The following CNTN5 variants were observed in gnomAD, a reference collection of about 807,000 sequenced individuals.
CNTN5 encodes the protein contactin-5.
Under a neutral mutation model 129.1 loss-of-function variants are expected in CNTN5, and 77 were observed. The observed-to-expected ratio is 0.60, with a 90% confidence interval of 0.50 to 0.72. The LOEUF is 0.72. CNTN5 is among the 30% of genes least tolerant of loss of function. The pLI is 0.00. For synonymous variants in CNTN5, 509 were observed against 465.6 expected, an observed-to-expected ratio of 1.09 and a Z score of -1.20; for missense variants, 1,478 against 1,328.8, an observed-to-expected ratio of 1.11 and a Z score of -1.75.
intron 8 of CNTN5, among the ~76,000 whole-genome samples, chr11:99,970,306 A>C (rs573953390): frequency 6.6e-6 from 1 of 152,360 alleles, no homozygotes; most frequent in South Asian, 2.1e-4. Context: ...TGAGGCCATA[A>C]GTATAATATC....
intron 2 of CNTN5, among the ~76,000 whole-genome samples, chr11:99,432,495 C>CTTTTCTTTTCTTTTCT (rs539746806): frequency 0.013 from 1,023 of 77,734 alleles, 7 homozygotes; most frequent in Middle Eastern, 0.022. Flanking sequence ...CTTTTCTTTT[C>CTTTTCTTTTCTTTTCT]TTTCTTTTCT....
chr11:99,738,317 G>C (rs1943776564), intron 3 of CNTN5, among the ~76,000 whole-genome samples: 9 of 152,186 alleles, frequency 5.9e-5, no homozygotes, highest in Admixed American at 5.2e-4. Flanking sequence ...AAGCTAAGCA[G>C]AGAGGTTTCA....
chr11:99,309,381 T>C (rs1865010574), intron 1 of CNTN5, among the ~76,000 whole-genome samples: 1 of 152,240 alleles, frequency 6.6e-6, no homozygotes, highest in South Asian at 2.1e-4. Context: ...TAGTCCTGTA[T>C]TAGTTTGGAA....
At chr11:99,838,824 C>A (rs549815562) in intron 4 of CNTN5, among the ~76,000 whole-genome samples, 7 of 152,184 alleles carry the variant, frequency 4.6e-5, no homozygotes, top group Non-Finnish European at 7.4e-5. Flanking sequence ...GGAAAGTGTA[C>A]CCCAGAAGGA....
chr11:99,580,367 C>A (rs968319002), intron 3 of CNTN5, among the ~76,000 whole-genome samples: 1 of 152,162 alleles, frequency 6.6e-6, no homozygotes, highest in Non-Finnish European at 1.5e-5. Context: ...GGAGGATTCC[C>A]TCTTTTTCTA....
At chr11:99,424,204 A>G (rs986146964) in intron 2 of CNTN5, among the ~76,000 whole-genome samples, 25 of 152,256 alleles carry the variant, frequency 1.6e-4, no homozygotes, top group African/African-American at 5.5e-4. Context: ...CTTTGGTGCC[A>G]TTATTAAGTA....
intron 3 of CNTN5, among the ~76,000 whole-genome samples, chr11:99,735,942 C>T (rs1274933830): frequency 1.3e-5 from 2 of 152,156 alleles, no homozygotes; most frequent in Admixed American, 6.5e-5. Context: ...TCATCCTCCC[C>T]CAGCCCCTGA....
chr11:99,228,020 A>G (rs1272305030), intron 1 of CNTN5, among the ~76,000 whole-genome samples: 33 of 152,060 alleles, frequency 2.2e-4, no homozygotes, highest in Admixed American at 2.2e-3. Context: ...TTTACTATGT[A>G]TTGTACCATC....
rs1206451729 is a variant in CNTN5 at position 100,350,688 on chromosome 11, G to GTTAT, written c.3031-12_3031-9dup. ...CTTTCATATCAAATGTCTAAACCTTGTTATTACTCTCAGGTTTTTTATAGG... is the reference window on the plus strand; with the variant it reads ...CTTTCATATCAAATGTCTAAACCTTGTTATTTATTACTCTCAGGTTTTTTATAGG... On this transcript the variant is annotated splice_polypyrimidine_tract_variant and intron_variant, in intron 23 of 24. Transcript: ENST00000524871. 3 of 1,592,294 alleles carry GTTAT rather than the reference G, an allele frequency of 1.9e-6. No homozygotes were observed. In the Admixed American group the frequency reaches 5.2e-5, roughly 28 times the overall value.
chr11:99,506,360 G>C (rs1388684081), intron 2 of CNTN5, among the ~76,000 whole-genome samples: 1 of 152,124 alleles, frequency 6.6e-6, no homozygotes, highest in Non-Finnish European at 1.5e-5. Context: ...TGAGCATCTT[G>C]CTCTCTGTTT....
chr11:99,351,139 C>T (rs527587114), intron 2 of CNTN5, among the ~76,000 whole-genome samples: 1 of 152,198 alleles, frequency 6.6e-6, no homozygotes, highest in East Asian at 1.9e-4. Flanking sequence ...GCATGTTCTA[C>T]ACATGTAACC....
At chr11:100,143,742 T>G (rs991292484) in intron 13 of CNTN5, among the ~76,000 whole-genome samples, 3 of 152,076 alleles carry the variant, frequency 2.0e-5, no homozygotes, top group Non-Finnish European at 4.4e-5. Flanking sequence ...GTGTGGCAAA[T>G]AAAATTTAGG....
At chr11:99,596,243 A>G (rs2135684182) in intron 3 of CNTN5, among the ~76,000 whole-genome samples, 2 of 152,248 alleles carry the variant, frequency 1.3e-5, no homozygotes, top group Admixed American at 1.3e-4. Context: ...GTCCTATACC[A>G]AAAGATAGGA....
At chr11:99,062,544 T>C (rs1338023154) in intron 1 of CNTN5, among the ~76,000 whole-genome samples, 1 of 152,104 alleles carries the variant, frequency 6.6e-6, no homozygotes, top group Non-Finnish European at 1.5e-5. Context: ...CCAGAAGTAT[T>C]GTGAGAAACA....
chr11:99,621,148 G>T (rs1016032721), intron 3 of CNTN5, among the ~76,000 whole-genome samples: 1 of 152,116 alleles, frequency 6.6e-6, no homozygotes, highest in African/African-American at 2.4e-5. Flanking sequence ...ATACTATGGA[G>T]CATGTAGGAT....
chr11:99,235,777 G>C (rs1861229587), intron 1 of CNTN5, among the ~76,000 whole-genome samples: 1 of 152,114 alleles, frequency 6.6e-6, no homozygotes, highest in Non-Finnish European at 1.5e-5. Context: ...GTCCTATGAG[G>C]AATACTTAAC....
chr11:99,619,921 A>G (rs904919556), intron 3 of CNTN5, among the ~76,000 whole-genome samples: 17 of 150,748 alleles, frequency 1.1e-4, no homozygotes, highest in Admixed American at 8.7e-4. Context: ...AGCTACTCGG[A>G]AGGCTGAGGC....
chr11:100,186,087 G>C (rs1393864223), intron 13 of CNTN5, among the ~76,000 whole-genome samples: 2 of 152,120 alleles, frequency 1.3e-5, no homozygotes, highest in South Asian at 4.1e-4. Context: ...AGGCTGGGCA[G>C]GGTGGCTCAT....
At chr11:100,211,099 T>G (rs1385592858) in intron 15 of CNTN5, among the ~76,000 whole-genome samples, 2 of 152,202 alleles carry the variant, frequency 1.3e-5, no homozygotes, top group Non-Finnish European at 2.9e-5. Flanking sequence ...ATCCTCCATG[T>G]GTCTAGAAGT....
Sources: gnomAD v4.1 joint callset for allele counts (sites outside exome capture counted in the v4.1 genomes callset) on GRCh38, gnomAD v4.1.1 for gene constraint, MANE v1.5 for transcripts, NCBI Gene and HGNC (gene_info 2026-07-23, HGNC 2026-07-21) for gene names.